The following SLC6A13 variants were observed in gnomAD, a reference collection of about 807,000 sequenced individuals.
SLC6A13 encodes solute carrier family 6 member 13.
A neutral mutation model predicts 72.9 loss-of-function variants in SLC6A13; 69 were observed. That is an observed-to-expected ratio of 0.95 (90% CI 0.78 to 1.16). SLC6A13 has a LOEUF of 1.16. Ranked by LOEUF, SLC6A13 falls within the 50% of genes most tolerant of loss-of-function variation. The pLI is 0.00. For missense variants in SLC6A13, 735 were observed against 760.5 expected, an observed-to-expected ratio of 0.97 and a Z score of 0.39; for synonymous variants, 303 against 303.0, an observed-to-expected ratio of 1.00 and a Z score of 0.00.
Position 237,701 on chromosome 12 carries a change from C to T in SLC6A13, c.563+225G>A, listed in dbSNP as rs563729700. 3.9e-5 allele frequency among the ~76,000 whole-genome samples: 6 copies of T among 152,004 alleles called. No individual in the cohort carries two copies. In the South Asian group the frequency reaches 6.3e-4, roughly 16 times the overall value. On this transcript the variant is annotated intron_variant, in intron 5 of 14. Coordinates refer to ENST00000343164, the MANE Select transcript of SLC6A13 (RefSeq NM_016615.5). Reference sequence around the variant, plus strand: ...TGCACACACACTCTCTAACACGGGGCGGGGGTGCGGGCAAGGAAGGCCAGG... The same window carrying T: ...TGCACACACACTCTCTAACACGGGGTGGGGGTGCGGGCAAGGAAGGCCAGG...
At chr12:247,917 C>T (rs958588624) in intron 2 of SLC6A13, among the ~76,000 whole-genome samples, 2 of 151,766 alleles carry the variant, frequency 1.3e-5, no homozygotes, top group African/African-American at 4.8e-5. Flanking sequence ...AAGATGTATA[C>T]TACAAAGTTT....
Position 259,932 on chromosome 12 carries a change from A to T in SLC6A13, c.121T>A (p.Phe41Ile). Residue 41 changes from phenylalanine (F) to isoleucine (I), a missense_variant, in exon 2 of 15, where the codon TTT (phenylalanine) becomes ATT (isoleucine). By Grantham distance (21) the Phe-to-Ile change is conservative. Transcript: ENST00000343164. The stretch of plus-strand genomic sequence containing the variant: ...ATCTCCCCAGCCACTGACAGCACAA[A>T]CTCCATCTTGTTGTTCCAGTGCCCC... ...ERGHWNNKME[F>I]VLSVAGEIIG... 1 of 1,614,132 alleles carries T rather than the reference A, an allele frequency of 6.2e-7. No individual in the cohort carries two copies. The highest frequency in any genetic ancestry group is 1.6e-4 in the Middle Eastern group (1 of 6,062).
intron 2 of SLC6A13, among the ~76,000 whole-genome samples, chr12:247,348 G>A (rs903117106): frequency 6.6e-6 from 1 of 151,910 alleles, no homozygotes; most frequent in Non-Finnish European, 1.5e-5. Flanking sequence ...AGAGAAAAAC[G>A]ACACATATGT....
chr12:227,426 T>G, intron 8 of SLC6A13, 139 bp downstream of exon 8: 1 of 1,444,802 alleles, frequency 6.9e-7, no homozygotes, highest in Non-Finnish European at 9.3e-7. Flanking sequence ...CTGGTAGCCC[T>G]GGGGTGTTGG....
intron 2 of SLC6A13, among the ~76,000 whole-genome samples, chr12:246,228 G>A (rs1942344540): frequency 6.6e-6 from 1 of 152,168 alleles, no homozygotes; most frequent in African/African-American, 2.4e-5. Context: ...TGAACCAGGA[G>A]AATTGCTTGA....
At position 254,874 on chromosome 12, in the gene SLC6A13, C is replaced by A. The variant is rs114574830; in HGVS notation, c.202+4977G>T. ...AAACCTGCTCCTCTGGGGCTAGGCA[C>A]AGTGGCTTATGCCTGTAATCCCAGC... On this transcript the variant is annotated intron_variant, in intron 2 of 14. Transcript: ENST00000343164. This position sits in a 1 kb window ranked among gnomAD's most constrained non-coding sequence, Gnocchi z 4.4. Among the ~76,000 whole-genome samples, 573 of 152,324 alleles carry A rather than the reference C, an allele frequency of 3.8e-3. 6 individuals are homozygous for A. Among genetic ancestry groups the A allele is most frequent in the African/African-American group, 0.013 (551 of 41,568 alleles).
chr12:242,300 C>G (rs879728675), intron 4 of SLC6A13, among the ~76,000 whole-genome samples: 1 of 152,170 alleles, frequency 6.6e-6, no homozygotes, highest in African/African-American at 2.4e-5. Flanking sequence ...AGAGAAGATA[C>G]GCGAAACAAA....
chr12:237,828 C>A (rs1941994800), intron 5 of SLC6A13, 98 bp downstream of exon 5: 1 of 886,850 alleles, frequency 1.1e-6, no homozygotes. Context: ...GGAAATTCTT[C>A]CCTTGCTGTC....
At chr12:225,926 C>A (rs558997508) in intron 9 of SLC6A13, among the ~76,000 whole-genome samples, 5 of 152,208 alleles carry the variant, frequency 3.3e-5, no homozygotes, top group African/African-American at 1.2e-4. Flanking sequence ...AAGAGGGAAA[C>A]CCTATCTGCT....
chr12:223,649 C>T (rs1163276915), intron 11 of SLC6A13: 2 of 332,676 alleles, frequency 6.0e-6, no homozygotes, highest in Non-Finnish European at 1.1e-5. Flanking sequence ...CTCCCTTTCT[C>T]GCTTTGAAGT....
At chr12:223,556 C>T (rs894317059) in intron 11 of SLC6A13, among the ~76,000 whole-genome samples, 2 of 152,054 alleles carry the variant, frequency 1.3e-5, no homozygotes, top group South Asian at 2.1e-4. Context: ...AGGATAAGGG[C>T]TGTCATTGAT....
intron 6 of SLC6A13, 115 bp downstream of exon 6, chr12:237,043 C>T (rs1336955718): frequency 8.6e-7 from 1 of 1,160,316 alleles, no homozygotes; most frequent in Non-Finnish European, 1.2e-6. Context: ...CAAATCCTCG[C>T]TGGGTCATCG....
intron 4 of SLC6A13, among the ~76,000 whole-genome samples, chr12:240,070 G>A (rs1942108837): frequency 1.3e-5 from 2 of 152,114 alleles, no homozygotes; most frequent in Admixed American, 1.3e-4. Context: ...TGTTTCAAGA[G>A]GGACTCCACT....
At chr12:242,308 AAATG>A (rs1372118158) in intron 4 of SLC6A13, among the ~76,000 whole-genome samples, 2 of 152,254 alleles carry the variant, frequency 1.3e-5, no homozygotes, top group African/African-American at 4.8e-5. Flanking sequence ...TACGCGAAAC[AAATG>A]AATGAACAAA....
At chr12:238,079 T>A in intron 4 of SLC6A13, 69 bp from the exon 5 acceptor site, 2 of 1,581,478 alleles carry the variant, frequency 1.3e-6, no homozygotes, top group East Asian at 2.2e-5. Flanking sequence ...AACTGGAGAG[T>A]GGGGTGAAAT....
intron 2 of SLC6A13, chr12:259,436 CTATT>C (rs1197637349): frequency 3.6e-6 from 4 of 1,120,140 alleles, no homozygotes; most frequent in Non-Finnish European, 4.4e-6. Context: ...AGCAGAGCTA[CTATT>C]TATTAAGTGC....
intron 2 of SLC6A13, among the ~76,000 whole-genome samples, chr12:250,487 T>C (rs1942495763): frequency 6.6e-6 from 1 of 152,146 alleles, no homozygotes; most frequent in African/African-American, 2.4e-5. Context: ...ATTGTGTATG[T>C]ATTAGGAATA....
intron 2 of SLC6A13, among the ~76,000 whole-genome samples, chr12:245,403 C>T (rs573530115): frequency 2.6e-4 from 39 of 152,218 alleles, no homozygotes; most frequent in Middle Eastern, 3.4e-3. Context: ...CGAAATTGGC[C>T]GGGTGCAGTG....
chr12:244,350 T>A (rs976441901), intron 2 of SLC6A13, among the ~76,000 whole-genome samples: 1 of 152,200 alleles, frequency 6.6e-6, no homozygotes, highest in Non-Finnish European at 1.5e-5. Context: ...GGCTCTGCCC[T>A]CATGAATGGA....
Sources: allele counts gnomAD v4.1 joint callset (sites outside exome capture counted in the v4.1 genomes callset), GRCh38; gene constraint gnomAD v4.1.1; non-coding constraint Gnocchi (gnomAD v3.1); transcripts MANE v1.5; gene names NCBI Gene and HGNC (gene_info 2026-07-23, HGNC 2026-07-21).